The following ACYP2 variants were observed in gnomAD, a reference collection of about 807,000 sequenced individuals.
ACYP2 encodes the protein acylphosphatase-2.
ACYP2 carries 12 observed loss-of-function variants against 11.2 expected under a neutral mutation model. That is an observed-to-expected ratio of 1.08 (90% CI 0.69 to 1.74). The LOEUF (loss-of-function observed/expected upper bound fraction) is 1.74. Ranked by LOEUF, ACYP2 falls within the 40% of genes most tolerant of loss-of-function variation. ACYP2 has a pLI of 0.00. For synonymous variants in ACYP2, 43 were observed against 32.2 expected (o/e 1.33, Z -1.13); for missense variants, 134 against 101.9 (o/e 1.31, Z -1.35).
intron 4 of ACYP2, among the ~76,000 whole-genome samples, chr2:54,068,060 G>C (rs1392865486): frequency 6.6e-6 from 1 of 152,190 alleles, no homozygotes; most frequent in African/African-American, 2.4e-5. Flanking sequence ...GTTGGAGTGG[G>C]TCACTGATAA....
intron 6 of ACYP2, chr2:54,253,440 T>C (rs1285938115): frequency 6.6e-6 from 1 of 152,212 alleles, no homozygotes; most frequent in Non-Finnish European, 1.5e-5. Context: ...GAAAATATTA[T>C]AACACAGTAT....
At chr2:53,988,864 A>G (rs1672149340) in intron 2 of ACYP2, among the ~76,000 whole-genome samples, 1 of 151,890 alleles carries the variant, frequency 6.6e-6, no homozygotes, top group African/African-American at 2.4e-5. Context: ...TCCCTGCCTT[A>G]GGCTCCTTAG....
At chr2:54,269,174 T>G (rs1242183746) in intron 6 of ACYP2, among the ~76,000 whole-genome samples, 2 of 152,208 alleles carry the variant, frequency 1.3e-5, no homozygotes, top group African/African-American at 2.4e-5. Context: ...TCTTGAATTC[T>G]TGGCCTTAAG....
intron 6 of ACYP2, among the ~76,000 whole-genome samples, chr2:54,292,510 T>C (rs1689352110): frequency 6.6e-6 from 1 of 152,214 alleles, no homozygotes; most frequent in Non-Finnish European, 1.5e-5. Flanking sequence ...TAATTTTAAC[T>C]ATTTTTACTT....
chr2:54,082,348 C>T (rs745575606), intron 4 of ACYP2, among the ~76,000 whole-genome samples: 3 of 151,692 alleles, frequency 2.0e-5, no homozygotes, highest in African/African-American at 4.8e-5. Flanking sequence ...CAGGTTCAAG[C>T]GGTTCTCCTG....
intron 6 of ACYP2, among the ~76,000 whole-genome samples, chr2:54,165,762 C>T (rs968229525): frequency 1.7e-4 from 26 of 152,220 alleles, no homozygotes; most frequent in Admixed American, 1.7e-3. Context: ...TTCTTCCCTA[C>T]CCCTGCCCCA....
chr2:54,184,257 G>A, intron 6 of ACYP2, among the ~76,000 whole-genome samples: 1 of 152,180 alleles, frequency 6.6e-6, no homozygotes, highest in Non-Finnish European at 1.5e-5. Flanking sequence ...TCAGGGACCT[G>A]AGTGGTATTA....
intron 2 of ACYP2, among the ~76,000 whole-genome samples, chr2:53,981,118 C>G (rs990383810): frequency 1.6e-4 from 25 of 152,158 alleles, no homozygotes; most frequent in African/African-American, 5.8e-4. Flanking sequence ...AGATACACAA[C>G]TACTTACCAT....
chr2:54,126,884 GTGGAGGT>G (rs1009993025), intron 4 of ACYP2, among the ~76,000 whole-genome samples: 5 of 151,700 alleles, frequency 3.3e-5, no homozygotes, highest in African/African-American at 1.2e-4. Flanking sequence ...GACCCGGGAG[GTGGAGGT>G]TGCAGTGAGC....
intron 4 of ACYP2, among the ~76,000 whole-genome samples, chr2:54,122,572 GA>G (rs1680223513): frequency 6.6e-6 from 1 of 152,228 alleles, no homozygotes; most frequent in East Asian, 1.9e-4. Flanking sequence ...CCTGTCCCAA[GA>G]GGGCTGTGTT....
At chr2:54,290,761 C>A (rs1186678742) in intron 6 of ACYP2, among the ~76,000 whole-genome samples, 1 of 152,124 alleles carries the variant, frequency 6.6e-6, no homozygotes, top group Non-Finnish European at 1.5e-5. Context: ...GCAGGCGTGT[C>A]TGGCCAACTC....
chr2:54,283,298 A>G (rs1573048029), intron 6 of ACYP2, among the ~76,000 whole-genome samples: 1 of 152,154 alleles, frequency 6.6e-6, no homozygotes, highest in Non-Finnish European at 1.5e-5. Context: ...ATCTTATACA[A>G]ATTACTCATT....
chr2:54,212,415 TA>T (rs751421811), intron 6 of ACYP2, among the ~76,000 whole-genome samples: 1 of 152,204 alleles, frequency 6.6e-6, no homozygotes, highest in Non-Finnish European at 1.5e-5. Flanking sequence ...ACCTCAGCTG[TA>T]ATCTCCTTTT....
intron 4 of ACYP2, among the ~76,000 whole-genome samples, chr2:54,076,642 C>T (rs780552442): frequency 6.6e-6 from 1 of 151,780 alleles, no homozygotes; most frequent in Non-Finnish European, 1.5e-5. Flanking sequence ...TTTTCAGAAC[C>T]AAGAGAAAGA....
At chr2:54,029,795 A>T in intron 2 of ACYP2, 2 of 575,398 alleles carry the variant, frequency 3.5e-6, no homozygotes, top group South Asian at 3.0e-5. Context: ...AGCCATGGTG[A>T]CACTTGGGGG....
chr2:54,272,693 T>C (rs1191489398), intron 6 of ACYP2, among the ~76,000 whole-genome samples: 1 of 152,218 alleles, frequency 6.6e-6, no homozygotes, highest in African/African-American at 2.4e-5. Context: ...TGAATATGCA[T>C]TATACAAATT....
intron 6 of ACYP2, among the ~76,000 whole-genome samples, chr2:54,292,198 CTTT>C (rs963751889): frequency 4.1e-5 from 6 of 148,006 alleles, no homozygotes; most frequent in Admixed American, 2.7e-4. Flanking sequence ...CAAAACAAAT[CTTT>C]TTTTTTTGGT....
chr2:54,174,133 T>G (rs1470289586), intron 6 of ACYP2, among the ~76,000 whole-genome samples: 3 of 152,242 alleles, frequency 2.0e-5, no homozygotes, highest in Non-Finnish European at 4.4e-5. Context: ...AGTATGGCTA[T>G]TTTCACAATA....
intron 6 of ACYP2, among the ~76,000 whole-genome samples, chr2:54,231,802 A>T (rs572974843): frequency 5.9e-5 from 9 of 152,316 alleles, no homozygotes; most frequent in African/African-American, 2.2e-4. Context: ...CCTCTCGGGC[A>T]CGCCACCACA....
Sources: allele counts gnomAD v4.1 joint callset (sites outside exome capture counted in the v4.1 genomes callset), GRCh38; gene constraint gnomAD v4.1.1; transcripts MANE v1.5; gene names NCBI Gene and HGNC (gene_info 2026-07-23, HGNC 2026-07-21).